Variants in DRAM1 observed in about 807,000 individuals in gnomAD.
The protein encoded by DRAM1 is DNA damage-regulated autophagy modulator protein 1.
Under a neutral mutation model 28.5 loss-of-function variants are expected in DRAM1, and 25 were observed. That is an observed-to-expected ratio of 0.88 (90% confidence interval 0.64 to 1.23). The LOEUF (loss-of-function observed/expected upper bound fraction) is 1.23, where lower values mean the gene tolerates loss of function less well. Among genes scored for constraint, DRAM1 ranks in the 50% most tolerant of loss-of-function variants. The pLI, the probability that DRAM1 is intolerant of heterozygous loss-of-function variation, is 0.00. For missense variants in DRAM1, 249 were observed against 299.2 expected (o/e 0.83, Z 1.24); for synonymous variants, 113 against 114.2 (o/e 0.99, Z 0.07).
chr12:101,906,603 G>C (rs972882913), intron 3 of DRAM1, among the ~76,000 whole-genome samples: 1 of 151,864 alleles, frequency 6.6e-6, no homozygotes, highest in African/African-American at 2.4e-5. Flanking sequence ...CCTATAATCT[G>C]AGCACTTTGG....
intron 1 of DRAM1, among the ~76,000 whole-genome samples, chr12:101,886,175 G>A (rs1872881028): frequency 6.6e-6 from 1 of 152,150 alleles, no homozygotes; most frequent in East Asian, 1.9e-4. Context: ...GTTTGTGGTC[G>A]ATTTGACTTG....
At chr12:101,919,182 A>G (rs1174397526) in intron 5 of DRAM1, among the ~76,000 whole-genome samples, 1 of 152,072 alleles carries the variant, frequency 6.6e-6, no homozygotes, top group Non-Finnish European at 1.5e-5. Context: ...CTGAGATTAC[A>G]GGTGTGAGCC....
At chr12:101,912,286 C>G (rs2121149591) in intron 4 of DRAM1, among the ~76,000 whole-genome samples, 1 of 152,274 alleles carries the variant, frequency 6.6e-6, no homozygotes, top group East Asian at 1.9e-4. Flanking sequence ...CTAGAGAGCT[C>G]CTTAAACTTC....
intron 1 of DRAM1, among the ~76,000 whole-genome samples, chr12:101,880,223 T>C (rs1872645757): frequency 6.6e-6 from 1 of 151,802 alleles, no homozygotes; most frequent in South Asian, 2.1e-4. Flanking sequence ...CAGCTAATTT[T>C]TAATTTTTTT....
In DRAM1 at chr12:101,912,071, C is replaced by T. The variant is rs979107630; in HGVS notation, c.521-2103C>T. On this transcript the variant is annotated intron_variant, in intron 4 of 6. Coordinates refer to ENST00000258534, the MANE Select transcript of DRAM1 (RefSeq NM_018370.3). The stretch of plus-strand genomic sequence containing the variant: ...AAAACTAGCCAGGTGTGGTGGTGGG[C>T]ACCTGTAATCCCAGCTGCTGAGGAG... 2.6e-5 allele frequency among the ~76,000 whole-genome samples: 4 copies of T among 152,136 alleles called. No homozygotes were observed. In the South Asian group the frequency reaches 6.2e-4, roughly 24 times the overall value.
Position 101,921,368 on chromosome 12 carries a change from C to A in DRAM1, c.*108C>A. On this transcript the variant is annotated 3_prime_UTR_variant, in exon 7 of 7. Coordinates refer to ENST00000258534, the MANE Select transcript of DRAM1 (RefSeq NM_018370.3). ...CACCCTGATTATTGGGATGCATCTGCAGCACATCCAGGACTTGAATTTCAT... is the reference window on the plus strand; with the variant it reads ...CACCCTGATTATTGGGATGCATCTGAAGCACATCCAGGACTTGAATTTCAT... 1.3e-6 allele frequency: 1 copy of A among 799,200 alleles called. No homozygotes were observed. The highest frequency in any genetic ancestry group is 2.2e-6 in the Non-Finnish European group (1 of 456,576). 49.5% of individuals were successfully genotyped at this position (799,200 alleles called of 1,614,324 possible).
At chr12:101,916,977 C>T (rs1055958928) in intron 5 of DRAM1, among the ~76,000 whole-genome samples, 9 of 152,278 alleles carry the variant, frequency 5.9e-5, no homozygotes, top group Non-Finnish European at 7.3e-5. Flanking sequence ...TTAATCCTAA[C>T]GATGGAATGA....
intron 5 of DRAM1, among the ~76,000 whole-genome samples, chr12:101,914,883 C>G (rs1260843017): frequency 6.6e-6 from 1 of 151,986 alleles, no homozygotes; most frequent in Non-Finnish European, 1.5e-5. Flanking sequence ...GTTTGGAGCT[C>G]CTGGCCTCAA....
chr12:101,882,719 C>T (rs1229928949), intron 1 of DRAM1, among the ~76,000 whole-genome samples: 1 of 151,002 alleles, frequency 6.6e-6, no homozygotes, highest in Non-Finnish European at 1.5e-5. Context: ...GAAACAGTCT[C>T]TCTCATACAT....
chr12:101,920,969 C>T (rs779435840), intron 6 of DRAM1, among the ~76,000 whole-genome samples: 8 of 152,042 alleles, frequency 5.3e-5, no homozygotes, highest in Non-Finnish European at 1.2e-4. Flanking sequence ...AAAAAACATT[C>T]CCAAAGCAGA....
intron 1 of DRAM1, among the ~76,000 whole-genome samples, chr12:101,894,845 CTG>C (rs774909363): frequency 3.3e-4 from 51 of 152,300 alleles, no homozygotes; most frequent in Non-Finnish European, 4.4e-4. Context: ...CGCTTCTCCT[CTG>C]TGTTTGCTCC....
intron 4 of DRAM1, among the ~76,000 whole-genome samples, chr12:101,909,938 G>A (rs773654182): frequency 1.3e-5 from 2 of 152,174 alleles, no homozygotes; most frequent in African/African-American, 4.8e-5. Flanking sequence ...TAGGAAAATC[G>A]GAACTATGTT....
rs1330220398 is a variant in DRAM1 at position 101,897,940 on chromosome 12, C to T, written c.199+10C>T. 1 of 1,483,858 alleles carries T rather than the reference C, an allele frequency of 6.7e-7. No individual in the cohort carries two copies. The highest frequency in any genetic ancestry group is 1.2e-5 in the South Asian group (1 of 84,766). 91.9% of individuals were successfully genotyped at this position (1,483,858 alleles called of 1,614,324 possible). On this transcript the variant is annotated intron_variant, in intron 2 of 6. Coordinates refer to ENST00000258534, the MANE Select transcript of DRAM1 (RefSeq NM_018370.3). ...TTCTCTGCATTTCTTGGTAAGTACA[C>T]AATAATTATTATAAATAATTGAAAA...
chr12:101,880,249 T>TG (rs1872646574), intron 1 of DRAM1, among the ~76,000 whole-genome samples: 1 of 150,008 alleles, frequency 6.7e-6, no homozygotes, highest in African/African-American at 2.5e-5. Context: ...TTTGTAGAGA[T>TG]GGCATCTTGC....
intron 5 of DRAM1, among the ~76,000 whole-genome samples, chr12:101,914,923 G>C (rs952081449): frequency 6.6e-6 from 1 of 151,094 alleles, no homozygotes; most frequent in African/African-American, 2.4e-5. Context: ...CTCCCAAAGT[G>C]CTGGGATTAT....
intron 1 of DRAM1, among the ~76,000 whole-genome samples, chr12:101,892,052 TTAC>T: frequency 1.3e-5 from 2 of 152,304 alleles, no homozygotes; most frequent in African/African-American, 4.8e-5. Flanking sequence ...CTCTTAGTGT[TTAC>T]TTATCTGGAT....
intron 1 of DRAM1, chr12:101,890,169 C>CA: frequency 2.5e-6 from 1 of 404,502 alleles, no homozygotes; most frequent in Non-Finnish European, 4.9e-6. Context: ...ACCTCTGCCT[C>CA]CTGGGTTCAA....
chr12:101,901,076 GGGGTGT>G (rs904828210), intron 2 of DRAM1, among the ~76,000 whole-genome samples: 1 of 103,818 alleles, frequency 9.6e-6, no homozygotes, highest in African/African-American at 3.9e-5. Context: ...CAACAGCCAA[GGGGTGT>G]GTGTGTGTGT....
intron 1 of DRAM1, among the ~76,000 whole-genome samples, chr12:101,895,673 C>T (rs1266589340): frequency 2.1e-5 from 3 of 146,018 alleles, no homozygotes; most frequent in African/African-American, 5.1e-5. Context: ...TGAGTTCAAG[C>T]GATTCTCCTG....
Sources: gnomAD v4.1 joint callset for allele counts (sites outside exome capture counted in the v4.1 genomes callset) on GRCh38, gnomAD v4.1.1 for gene constraint, MANE v1.5 for transcripts, NCBI Gene and HGNC (gene_info 2026-07-23, HGNC 2026-07-21) for gene names.